TBC1D22A: variants seen among roughly 807,000 people sequenced by gnomAD.
The protein encoded by TBC1D22A is TBC1 domain family member 22A.
Under a neutral mutation model 60.2 loss-of-function variants are expected in TBC1D22A, and 38 were observed. The ratio of observed to expected loss-of-function variants is 0.63; its 90% CI spans 0.49 to 0.83. TBC1D22A has a LOEUF of 0.83. TBC1D22A is among the 40% of genes least tolerant of loss of function. TBC1D22A has a pLI of 0.00. For missense variants in TBC1D22A, 628 were observed against 701.0 expected (o/e 0.90, Z 1.18); for synonymous variants, 302 against 281.7 (o/e 1.07, Z -0.72).
chr22:46,789,808 CTATA>C (rs2084328711), intron 1 of TBC1D22A, among the ~76,000 whole-genome samples: 1 of 152,028 alleles, frequency 6.6e-6, no homozygotes, highest in East Asian at 1.9e-4. Context: ...CTACTAAACA[CTATA>C]TAGCAAAATA....
chr22:46,786,789 A>G (rs1156622606), intron 1 of TBC1D22A, among the ~76,000 whole-genome samples: 1 of 152,142 alleles, frequency 6.6e-6, no homozygotes, highest in Admixed American at 6.6e-5. Context: ...CCTGGGCTCA[A>G]GTGATCCTCC....
intron 5 of TBC1D22A, among the ~76,000 whole-genome samples, chr22:46,883,805 C>T (rs576583438): frequency 4.6e-5 from 7 of 152,214 alleles, no homozygotes; most frequent in Admixed American, 1.3e-4. Flanking sequence ...GCTCTGTTTC[C>T]GGCCTTGCCC....
At chr22:46,832,962 T>G (rs1303282538) in intron 4 of TBC1D22A, among the ~76,000 whole-genome samples, 1 of 152,140 alleles carries the variant, frequency 6.6e-6, no homozygotes, top group African/African-American at 2.4e-5. Flanking sequence ...GGGATTCCTC[T>G]TGGAGACTGA....
Position 46,909,404 on chromosome 22 carries a change from G to A in TBC1D22A, c.901-2670G>A, listed in dbSNP as rs543277311. 5.3e-5 allele frequency among the ~76,000 whole-genome samples: 8 copies of A among 152,222 alleles called. No individual in the cohort carries two copies. The South Asian group carries it at 6.2e-4, about 12-fold the overall frequency. On this transcript the variant is annotated intron_variant, in intron 7 of 12. Transcript: ENST00000337137. ...CCTTGACTCCCTCTGTCCAGGGTGC[G>A]TGCTCCTGGGGCGCTGCACTGCTTG...
At chr22:47,063,439 G>A (rs1014804528) in intron 11 of TBC1D22A, among the ~76,000 whole-genome samples, 7 of 152,172 alleles carry the variant, frequency 4.6e-5, no homozygotes, top group Non-Finnish European at 8.8e-5. Context: ...GGGTGATGGA[G>A]AGGACAGCCT....
At chr22:47,058,843 T>C (rs1427648817) in intron 11 of TBC1D22A, among the ~76,000 whole-genome samples, 1 of 152,056 alleles carries the variant, frequency 6.6e-6, no homozygotes, top group Non-Finnish European at 1.5e-5. Flanking sequence ...TGAAATGGAA[T>C]GACTAAGGAG....
chr22:47,143,661 G>A (rs1277410916), intron 12 of TBC1D22A, among the ~76,000 whole-genome samples: 1 of 152,232 alleles, frequency 6.6e-6, no homozygotes, highest in African/African-American at 2.4e-5. Flanking sequence ...GGTCCCCTGA[G>A]CTCTCTGATG....
chr22:46,846,717 C>T (rs1278821152), intron 4 of TBC1D22A, among the ~76,000 whole-genome samples: 4 of 151,850 alleles, frequency 2.6e-5, no homozygotes, highest in Admixed American at 6.6e-5. Flanking sequence ...CACCCGGATT[C>T]GGCGGGTATC....
At chr22:47,003,417 ATACCCTACGCACACATGCCTGTACACACG>A (rs2061459548) in intron 10 of TBC1D22A, among the ~76,000 whole-genome samples, 3 of 149,274 alleles carry the variant, frequency 2.0e-5, no homozygotes, top group East Asian at 2.0e-4. Context: ...CTGTACACAC[ATACCCTACGCACACATGCCTGTACACACG>A]CACCCTACGC....
chr22:47,103,818 G>A (rs1481277294), intron 11 of TBC1D22A, among the ~76,000 whole-genome samples: 1 of 152,062 alleles, frequency 6.6e-6, no homozygotes, highest in African/African-American at 2.4e-5. Context: ...GGAGAGTCAG[G>A]CCCTACAAAC....
At position 47,041,043 on chromosome 22, in the gene TBC1D22A, C is replaced by T. The variant is rs184244140; in HGVS notation, c.1329+3845C>T. ...GGCGGGGGACTCGCTGGTAAACGGG[C>T]GAACATCTCCACACTTTACGTTTCC... On this transcript the variant is annotated intron_variant, in intron 11 of 12. Transcript: ENST00000337137. Among the ~76,000 whole-genome samples, 871 of 152,254 alleles carry T rather than the reference C, an allele frequency of 5.7e-3. 7 individuals carry two copies. Among genetic ancestry groups the T allele is most frequent in the Middle Eastern group, 0.014 (4 of 294 alleles).
intron 10 of TBC1D22A, among the ~76,000 whole-genome samples, chr22:47,017,524 C>T (rs932943858): frequency 5.3e-5 from 8 of 151,884 alleles, no homozygotes; most frequent in Admixed American, 6.6e-5. Flanking sequence ...GCACACCCAG[C>T]GGCTTCTGAG....
intron 1 of TBC1D22A, among the ~76,000 whole-genome samples, chr22:46,769,678 C>G (rs1569354147): frequency 2.0e-5 from 3 of 152,058 alleles, no homozygotes; most frequent in Non-Finnish European, 4.4e-5. Flanking sequence ...GGAGCTGCTT[C>G]CAAGGCCATG....
At chr22:46,889,850 A>G (rs12170481) in intron 5 of TBC1D22A, among the ~76,000 whole-genome samples, 9,357 of 152,196 alleles carry the variant, frequency 0.061, 869 homozygotes, top group African/African-American at 0.21. Flanking sequence ...ACTGCAGAGG[A>G]TACTGGGAAG....
At chr22:46,936,412 A>G (rs1230655727) in intron 8 of TBC1D22A, among the ~76,000 whole-genome samples, 5 of 152,260 alleles carry the variant, frequency 3.3e-5, no homozygotes, top group African/African-American at 1.2e-4. Context: ...GGGAGCTTTC[A>G]GGATTCCTCC....
At chr22:46,763,541 A>G (rs2083184602) in intron 1 of TBC1D22A, among the ~76,000 whole-genome samples, 1 of 151,502 alleles carries the variant, frequency 6.6e-6, no homozygotes, top group South Asian at 2.1e-4. Flanking sequence ...GGAATGAGAC[A>G]TTACGTGGAG....
chr22:46,775,492 G>C (rs1476780621), intron 1 of TBC1D22A, among the ~76,000 whole-genome samples: 1 of 152,218 alleles, frequency 6.6e-6, no homozygotes, highest in Non-Finnish European at 1.5e-5. Flanking sequence ...CACCTCTTCT[G>C]TTTTGAGACT....
chr22:46,944,357 A>C (rs2072374935), intron 8 of TBC1D22A, among the ~76,000 whole-genome samples: 1 of 152,202 alleles, frequency 6.6e-6, no homozygotes, highest in Non-Finnish European at 1.5e-5. Flanking sequence ...TTCACTTAAA[A>C]ATTTTTAAAC....
At chr22:46,935,429 G>C (rs1053573601) in intron 8 of TBC1D22A, among the ~76,000 whole-genome samples, 2 of 152,172 alleles carry the variant, frequency 1.3e-5, no homozygotes, top group East Asian at 3.8e-4. Flanking sequence ...AGTGAATTCA[G>C]ATGCACCCCC....
Sources: gnomAD v4.1 joint callset for allele counts (sites outside exome capture counted in the v4.1 genomes callset) on GRCh38, gnomAD v4.1.1 for gene constraint, MANE v1.5 for transcripts, NCBI Gene and HGNC (gene_info 2026-07-23, HGNC 2026-07-21) for gene names.